Variants in STAC observed in about 807,000 individuals in gnomAD.
STAC encodes the protein SH3 and cysteine-rich domain-containing protein.
STAC carries 43 observed loss-of-function variants against 48.8 expected under a neutral mutation model. The ratio of observed to expected loss-of-function variants is 0.88; its 90% CI spans 0.69 to 1.14. The LOEUF (loss-of-function observed/expected upper bound fraction) is 1.14. STAC is among the 50% of genes most tolerant of loss of function. The pLI is 0.00. For missense variants in STAC, 497 were observed against 504.0 expected (o/e 0.99, Z 0.13); for synonymous variants, 193 against 179.5 (o/e 1.07, Z -0.60).
At chr3:36,475,702 G>T (rs60921285) in intron 2 of STAC, among the ~76,000 whole-genome samples, 4,711 of 152,280 alleles carry the variant, frequency 0.031, 217 homozygotes, top group African/African-American at 0.11. Context: ...TTAATAGGGA[G>T]AGAAGTCCAC....
At chr3:36,388,124 C>T (rs569030165) in intron 1 of STAC, among the ~76,000 whole-genome samples, 27 of 152,066 alleles carry the variant, frequency 1.8e-4, no homozygotes, top group African/African-American at 6.0e-4. Context: ...CTAGTCAAGG[C>T]CTTCGTCCAT....
At chr3:36,511,899 G>C (rs570265478) in intron 8 of STAC, among the ~76,000 whole-genome samples, 279 of 152,234 alleles carry the variant, frequency 1.8e-3, no homozygotes, top group Non-Finnish European at 3.2e-3. Context: ...TATCAGGATC[G>C]GTTCCAGCAG....
chr3:36,479,279 T>A (rs1331848194), intron 2 of STAC, among the ~76,000 whole-genome samples: 3 of 152,118 alleles, frequency 2.0e-5, no homozygotes, highest in Non-Finnish European at 4.4e-5. Flanking sequence ...TCTCAGAAAA[T>A]TTTAACAGCT....
At chr3:36,537,532 G>A (rs1477128052) in intron 10 of STAC, among the ~76,000 whole-genome samples, 1 of 152,042 alleles carries the variant, frequency 6.6e-6, no homozygotes, top group African/African-American at 2.4e-5. Context: ...ACACACACTA[G>A]GGCCTGTTGG....
At chr3:36,510,994 A>G (rs2125717186) in intron 8 of STAC, among the ~76,000 whole-genome samples, 1 of 151,564 alleles carries the variant, frequency 6.6e-6, no homozygotes, top group South Asian at 2.1e-4. Flanking sequence ...TAATCTCCAA[A>G]TTAACATTGA....
intron 8 of STAC, among the ~76,000 whole-genome samples, chr3:36,510,148 T>C (rs1353869104): frequency 6.6e-6 from 1 of 152,064 alleles, no homozygotes; most frequent in Non-Finnish European, 1.5e-5. Flanking sequence ...GCAAAGGATA[T>C]GAATGGACAC....
rs1698041897 is a variant in STAC, at chr3:36,493,243, T to G, written c.766+14T>G. 9 of 1,610,982 alleles carry G rather than the reference T, an allele frequency of 5.6e-6. No homozygotes were observed. Among genetic ancestry groups the G allele is most frequent in the Non-Finnish European group, 7.6e-6 (9 of 1,178,558 alleles). ...GCAGCAACAGCGGTGAGTGAGGGAG[T>G]TGGCACAGCACAAATGTGATCACAT... On this transcript the variant is annotated intron_variant, in intron 6 of 10. Transcript: ENST00000273183.
intron 1 of STAC, among the ~76,000 whole-genome samples, chr3:36,391,557 G>A (rs993944714): frequency 6.6e-6 from 1 of 152,072 alleles, no homozygotes; most frequent in African/African-American, 2.4e-5. Context: ...CTGTCACCCC[G>A]TTTCTTCTTC....
Position 36,485,021 on chromosome 3 carries a change from T to G in STAC, c.534T>G (p.His178Gln), listed in dbSNP as rs758131873. 6.2e-7 allele frequency: 1 copy of G among 1,605,026 alleles called. No homozygotes were observed. Among genetic ancestry groups the G allele is most frequent in the South Asian group, 1.1e-5 (1 of 89,120 alleles). ...ACTACAGCTCCCCCTTGCTCATTCA[T>G]GAACAGTTTGGCTGCATTAAAGAAG... The part of the protein sequence containing the change: ...RRYYSSPLLI[H>Q]EQFGCIKEVM... The change falls in exon 4 of 11, where the codon CAT becomes CAG. Residue 178 changes from histidine to glutamine, a missense_variant. Physicochemically the swap from His to Gln is conservative, Grantham distance 24. Coordinates refer to ENST00000273183, the MANE Select transcript of STAC (RefSeq NM_003149.3).
chr3:36,440,642 A>T (rs1274616241), intron 1 of STAC, among the ~76,000 whole-genome samples: 2 of 152,216 alleles, frequency 1.3e-5, no homozygotes, highest in African/African-American at 4.8e-5. Flanking sequence ...ATATTCAAGG[A>T]GTGGGAAACT....
At chr3:36,454,552 C>T (rs1216103932) in intron 2 of STAC, among the ~76,000 whole-genome samples, 1 of 152,182 alleles carries the variant, frequency 6.6e-6, no homozygotes, top group Non-Finnish European at 1.5e-5. Context: ...TCCAGACACA[C>T]ATATATGCTA....
At chr3:36,427,034 C>A (rs1292049521) in intron 1 of STAC, among the ~76,000 whole-genome samples, 1 of 152,216 alleles carries the variant, frequency 6.6e-6, no homozygotes, top group Non-Finnish European at 1.5e-5. Flanking sequence ...ACAAACACCC[C>A]AGCTAAGGCC....
intron 8 of STAC, among the ~76,000 whole-genome samples, chr3:36,516,926 A>C (rs933679044): frequency 6.6e-6 from 1 of 152,146 alleles, no homozygotes; most frequent in Non-Finnish European, 1.5e-5. Flanking sequence ...AACCTCATTA[A>C]CACCACCCTA....
intron 2 of STAC, among the ~76,000 whole-genome samples, chr3:36,462,820 T>G (rs1282193660): frequency 5.9e-5 from 9 of 152,192 alleles, no homozygotes; most frequent in Non-Finnish European, 1.3e-4. Context: ...CCACATTACA[T>G]ATCATAGAAA....
chr3:36,419,044 A>C (rs1159432601), intron 1 of STAC, among the ~76,000 whole-genome samples: 1 of 131,762 alleles, frequency 7.6e-6, no homozygotes, highest in East Asian at 2.1e-4. Context: ...TGAAACTCCG[A>C]CTCAAAAAAA....
intron 2 of STAC, among the ~76,000 whole-genome samples, chr3:36,456,062 C>CGT (rs1275425597): frequency 6.2e-4 from 46 of 73,934 alleles, no homozygotes; most frequent in Non-Finnish European, 1.2e-3. Context: ...CATACACACA[C>CGT]GTGCGCACAC....
chr3:36,522,219 T>C, intron 8 of STAC, among the ~76,000 whole-genome samples: 1 of 152,234 alleles, frequency 6.6e-6, no homozygotes, highest in Non-Finnish European at 1.5e-5. Flanking sequence ...GGGATTTTTG[T>C]TTGGGATCAG....
intron 1 of STAC, among the ~76,000 whole-genome samples, chr3:36,431,279 G>A (rs1700693801): frequency 6.6e-6 from 1 of 151,948 alleles, no homozygotes; most frequent in African/African-American, 2.4e-5. Flanking sequence ...TTGTTCTCGG[G>A]GGAAAACACC....
At chr3:36,408,890 G>T in intron 1 of STAC, among the ~76,000 whole-genome samples, 1 of 152,274 alleles carries the variant, frequency 6.6e-6, no homozygotes, top group Non-Finnish European at 1.5e-5. Flanking sequence ...ACCTCCAGTT[G>T]TAAACACCTA....
Sources: allele counts gnomAD v4.1 joint callset (sites outside exome capture counted in the v4.1 genomes callset), GRCh38; gene constraint gnomAD v4.1.1; transcripts MANE v1.5; gene names NCBI Gene and HGNC (gene_info 2026-07-23, HGNC 2026-07-21).